Variants in PRELID2 observed in about 807,000 individuals in gnomAD.
The protein encoded by PRELID2 is PRELI domain containing 2.
In PRELID2, 25 loss-of-function variants were observed where a neutral mutation model predicts 28.4. The ratio of observed to expected loss-of-function variants is 0.88; its 90% CI spans 0.64 to 1.23. The LOEUF (loss-of-function observed/expected upper bound fraction) is 1.23, where lower values mean the gene tolerates loss of function less well. PRELID2 is among the 50% of genes most tolerant of loss of function. PRELID2 has a pLI of 0.00. For missense variants in PRELID2, 201 were observed against 214.4 expected (o/e 0.94, Z 0.39); for synonymous variants, 76 against 71.6 (o/e 1.06, Z -0.31).
At chr5:145,385,109 T>C in the PRELID2 span, among the ~76,000 whole-genome samples, 1 of 152,206 alleles carries the variant, frequency 6.6e-6, no homozygotes, top group African/African-American at 2.4e-5. Flanking sequence ...AGTGTATATA[T>C]GTATCAAAAC....
At chr5:145,368,567 C>A in the PRELID2 span, among the ~76,000 whole-genome samples, 6 of 151,906 alleles carry the variant, frequency 3.9e-5, no homozygotes, top group African/African-American at 1.4e-4. Context: ...TCTGAAAGAT[C>A]ATTTACTTCT....
the PRELID2 span, among the ~76,000 whole-genome samples, chr5:145,334,134 T>G: frequency 6.6e-6 from 1 of 152,156 alleles, no homozygotes; most frequent in Non-Finnish European, 1.5e-5. Flanking sequence ...TGAGAAGAGC[T>G]GCGTACCTCA....
chr5:145,783,438 T>G (rs1751765381), intron 5 of PRELID2, among the ~76,000 whole-genome samples: 1 of 152,224 alleles, frequency 6.6e-6, no homozygotes, highest in Non-Finnish European at 1.5e-5. Flanking sequence ...GTAATAGTAG[T>G]AGCAGGGCTG....
At chr5:145,496,433 A>G (rs1580958502) in intron 1 of PRELID2, among the ~76,000 whole-genome samples, 1 of 152,208 alleles carries the variant, frequency 6.6e-6, no homozygotes, top group Admixed American at 6.5e-5. Context: ...TATACAGAAA[A>G]AAAGAGATAA....
intron 1 of PRELID2, among the ~76,000 whole-genome samples, chr5:145,688,191 G>A (rs1054921295): frequency 6.6e-6 from 1 of 152,184 alleles, no homozygotes. Context: ...ACCTTCATCA[G>A]CGGTGTGACA....
intron 1 of PRELID2, chr5:145,728,516 C>A: frequency 1.4e-6 from 1 of 720,968 alleles, no homozygotes; most frequent in South Asian, 1.5e-5. Context: ...AGAGTTTGGT[C>A]CTTGCAAATT....
chr5:145,387,558 C>T, the PRELID2 span, among the ~76,000 whole-genome samples: 1 of 152,092 alleles, frequency 6.6e-6, no homozygotes, highest in African/African-American at 2.4e-5. Context: ...AATGTCTACG[C>T]ACTTAAAAAC....
At chr5:145,502,145 G>A (rs1183154531) in intron 1 of PRELID2, among the ~76,000 whole-genome samples, 1 of 152,058 alleles carries the variant, frequency 6.6e-6, no homozygotes, top group Non-Finnish European at 1.5e-5. Flanking sequence ...AAGCATAATG[G>A]CATCTGCATC....
At chr5:145,294,401 C>G in the PRELID2 span, among the ~76,000 whole-genome samples, 97 of 146,722 alleles carry the variant, frequency 6.6e-4, no homozygotes, top group African/African-American at 2.4e-3. Context: ...ATTGACTTGA[C>G]TATAGGGAAT....
chr5:145,253,852 A>C, the PRELID2 span, among the ~76,000 whole-genome samples: 1 of 152,168 alleles, frequency 6.6e-6, no homozygotes, highest in East Asian at 1.9e-4. Context: ...AAAAACAAAA[A>C]AAAAATCCAG....
chr5:145,729,023 G>C (rs1246268631), intron 1 of PRELID2: 1 of 680,470 alleles, frequency 1.5e-6, no homozygotes, highest in Non-Finnish European at 2.7e-6. Context: ...AAGTAACATT[G>C]GGAGATAATG....
the PRELID2 span, among the ~76,000 whole-genome samples, chr5:145,320,764 T>C: frequency 1.3e-5 from 2 of 152,186 alleles, no homozygotes; most frequent in Non-Finnish European, 2.9e-5. Context: ...AAAAAATATG[T>C]GCTGACTTTT....
At chr5:145,392,561 T>C in the PRELID2 span, among the ~76,000 whole-genome samples, 3 of 152,080 alleles carry the variant, frequency 2.0e-5, no homozygotes, top group Admixed American at 6.6e-5. Flanking sequence ...AAGTAAATAA[T>C]ATAACAGAAT....
the PRELID2 span, among the ~76,000 whole-genome samples, chr5:145,426,258 G>T: frequency 2.0e-5 from 3 of 152,050 alleles, no homozygotes; most frequent in South Asian, 2.1e-4. Context: ...GAAATAAGTT[G>T]TCCCCTCAAG....
At chr5:145,345,928 A>G in the PRELID2 span, among the ~76,000 whole-genome samples, 1 of 152,110 alleles carries the variant, frequency 6.6e-6, no homozygotes, top group East Asian at 1.9e-4. Context: ...CCCAACTTTC[A>G]GATATATAAA....
intron 1 of PRELID2, among the ~76,000 whole-genome samples, chr5:145,741,297 T>C (rs1472624067): frequency 2.9e-5 from 3 of 101,912 alleles, no homozygotes; most frequent in Non-Finnish European, 5.2e-5. Context: ...AAATAAATTA[T>C]ATATAAATAA....
Position 145,758,110 on chromosome 5 carries a change from T to C in PRELID2, c.*2426A>G, listed in dbSNP as rs1426366501. On this transcript the variant is annotated 3_prime_UTR_variant, in exon 7 of 7. Transcript: ENST00000683046. Reference sequence around the variant, plus strand: ...TGGCTGGCAAACATGTTTTTTGTTTTGGCCAGCACAATGTTTTAAACAATT... The same window carrying C: ...TGGCTGGCAAACATGTTTTTTGTTTCGGCCAGCACAATGTTTTAAACAATT... Among the ~76,000 whole-genome samples, 1 of 152,192 alleles carries C rather than the reference T, an allele frequency of 6.6e-6. No individual in the cohort carries two copies. The highest frequency in any genetic ancestry group is 1.9e-4 in the East Asian group (1 of 5,196).
At chr5:145,575,994 C>A (rs1032521543) in intron 1 of PRELID2, among the ~76,000 whole-genome samples, 9 of 152,158 alleles carry the variant, frequency 5.9e-5, no homozygotes, top group Non-Finnish European at 1.0e-4. Context: ...TCCTGCCCAT[C>A]TTGAAAATCT....
At chr5:145,583,705 G>C (rs1192146404) in intron 1 of PRELID2, among the ~76,000 whole-genome samples, 1 of 151,852 alleles carries the variant, frequency 6.6e-6, no homozygotes, top group Non-Finnish European at 1.5e-5. Context: ...TACAAAAAGA[G>C]TAAGATACCT....
Sources: gnomAD v4.1 joint callset for allele counts (sites outside exome capture counted in the v4.1 genomes callset) on GRCh38, gnomAD v4.1.1 for gene constraint, MANE v1.5 for transcripts, NCBI Gene and HGNC (gene_info 2026-07-23, HGNC 2026-07-21) for gene names.